The following RAD52 variants were observed in gnomAD, a reference collection of about 807,000 sequenced individuals.
RAD52 encodes the protein RAD52 DNA repair protein, also known as DNA repair protein RAD52 homolog.
In RAD52, 47 loss-of-function variants were observed where a neutral mutation model predicts 55.5. The observed-to-expected ratio is 0.85, with a 90% CI of 0.67 to 1.08. The LOEUF (loss-of-function observed/expected upper bound fraction) is 1.08, where lower values mean the gene tolerates loss of function less well. Ranked by LOEUF, RAD52 falls within the 50% of genes least tolerant of loss-of-function variation. The pLI, the probability that RAD52 is intolerant of heterozygous loss-of-function variation, is 0.00. For synonymous variants in RAD52, 184 were observed against 198.9 expected, an observed-to-expected ratio of 0.92 and a Z score of 0.63; for missense variants, 468 against 522.8, an observed-to-expected ratio of 0.90 and a Z score of 1.02.
rs551456621 is a variant in RAD52, at chr12:963,705, G to A, written c.-19+26104C>T. 3.9e-5 allele frequency among the ~76,000 whole-genome samples: 6 copies of A among 152,020 alleles called. No individual in the cohort carries two copies. The South Asian group carries it at 1.2e-3, about 32-fold the overall frequency. On this transcript the variant is annotated intron_variant, in intron 1 of 11. Coordinates refer to the RAD52 transcript ENST00000430095. ...CTAACTGTTGGCTTCTGGCATAGAG[G>A]AAGGCAACTCATTTTTATGTATGGA... is the stretch of plus-strand genomic sequence containing the variant.
rs576626573 is a variant in RAD52 at position 912,676 on chromosome 12, T to C, written c.*715A>G. On this transcript the variant is annotated 3_prime_UTR_variant, in exon 12 of 12. Transcript: ENST00000358495. ...CAAGAGGTTGTGGAGAGAGCTGTGTTTGCACCACTGAACTCCAGTCAGGGC... is the reference window on the plus strand; with the variant it reads ...CAAGAGGTTGTGGAGAGAGCTGTGTCTGCACCACTGAACTCCAGTCAGGGC... 3.8e-5 allele frequency: 6 copies of C among 155,866 alleles called. No homozygotes were observed. Among genetic ancestry groups the C allele is most frequent in the South Asian group, 2.3e-4 (1 of 4,406 alleles). The allele number at this position is 155,866 out of a possible 1,614,324, so 9.7% of individuals were successfully genotyped here.
chr12:916,404 G>A lies in RAD52; in HGVS notation c.805C>T (p.Arg269Trp), dbSNP rs1449954844. ...LRQKQLQQQF[R>W]ERMEKQQVRV... ...ACCTGCTGCTTCTCCATCCGCTCCC[G>A]GAACTGCTGCTGCAGCTGCTTCTGC... Residue 269 changes from arginine (R) to tryptophan (W), a missense_variant, in exon 9 of 12, where the codon CGG (arginine) becomes TGG (tryptophan). Coordinates refer to ENST00000358495, the MANE Select transcript of RAD52 (RefSeq NM_134424.4). 8 of 1,608,812 alleles carry A rather than the reference G, an allele frequency of 5.0e-6. No homozygotes were observed. The highest frequency in any genetic ancestry group is 6.8e-6 in the Non-Finnish European group (8 of 1,179,514).
intron 5 of RAD52, among the ~76,000 whole-genome samples, chr12:927,589 G>T (rs546210386): frequency 6.6e-6 from 1 of 152,132 alleles, no homozygotes; most frequent in Non-Finnish European, 1.5e-5. Context: ...TGGCCGGGCC[G>T]GGCGTGGTGG....
chr12:959,405 T>C (rs1489505566), intron 1 of RAD52, among the ~76,000 whole-genome samples: 2 of 152,170 alleles, frequency 1.3e-5, no homozygotes, highest in African/African-American at 2.4e-5. Flanking sequence ...CATTTGTGAA[T>C]GAAGGAGATA....
chr12:965,518 A>G (rs371584197), intron 1 of RAD52, among the ~76,000 whole-genome samples: 345 of 152,020 alleles, frequency 2.3e-3, no homozygotes, highest in South Asian at 0.011. Context: ...AATGCTGCCT[A>G]CCAAATCTGA....
At chr12:945,114 G>C (rs112388235) in intron 1 of RAD52, among the ~76,000 whole-genome samples, 1 of 152,110 alleles carries the variant, frequency 6.6e-6, no homozygotes, top group Non-Finnish European at 1.5e-5. Flanking sequence ...ACTTTGGAAG[G>C]CCAATGCAGA....
chr12:987,279 A>G lies in RAD52; in HGVS notation c.-19+2530T>C, dbSNP rs117956490. On this transcript the variant is annotated intron_variant, in intron 1 of 11. Coordinates refer to the RAD52 transcript ENST00000430095. ...CCACCGTGCCCAGCCCGCCAGTTTG[A>G]TTTTTGTCCTTTTATGGGCTCCTTT... Among the ~76,000 whole-genome samples, 1,372 of 151,976 alleles carry G rather than the reference A, an allele frequency of 9.0e-3. 34 individuals carry two copies. Among genetic ancestry groups the G allele is most frequent in the East Asian group, 0.032 (163 of 5,150 alleles).
intron 1 of RAD52, among the ~76,000 whole-genome samples, chr12:970,105 C>A (rs374508062): frequency 6.6e-6 from 1 of 150,912 alleles, no homozygotes; most frequent in African/African-American, 2.5e-5. Flanking sequence ...GTCAGGAGTT[C>A]GAGACCAGCC....
At chr12:932,880 T>C in intron 2 of RAD52, 95 bp downstream of exon 2, 1 of 755,658 alleles carries the variant, frequency 1.3e-6, no homozygotes, top group African/African-American at 2.1e-5. Flanking sequence ...TACTAGGTAC[T>C]GCTCACACAT....
At chr12:952,273 A>C (rs1304276947), upstream of RAD52, among the ~76,000 whole-genome samples, 1 of 152,064 alleles carries the variant, frequency 6.6e-6, no homozygotes, top group Non-Finnish European at 1.5e-5. Flanking sequence ...TAATTAAAAA[A>C]ATTTTTTTTA....
chr12:922,490 A>C (rs12308437), intron 7 of RAD52, among the ~76,000 whole-genome samples: 1 of 152,214 alleles, frequency 6.6e-6, no homozygotes, highest in African/African-American at 2.4e-5. Context: ...CCCCATCACC[A>C]AATGAATGCA....
chr12:937,660 A>G lies in RAD52; in HGVS notation c.-18-4584T>C, dbSNP rs560668352. ...AGGCTGCTCTCGAACTTCTGACCTC[A>G]GGTGATCCGCCTGCCTCATCCTCCC... On this transcript the variant is annotated intron_variant, in intron 1 of 11. Coordinates refer to ENST00000358495, the MANE Select transcript of RAD52 (RefSeq NM_134424.4). Among the ~76,000 whole-genome samples, 3 of 152,238 alleles carry G rather than the reference A, an allele frequency of 2.0e-5. No homozygotes were observed. In the South Asian group the frequency reaches 6.2e-4, roughly 32 times the overall value.
chr12:963,586 C>A (rs1394728869), intron 1 of RAD52, among the ~76,000 whole-genome samples: 1 of 152,020 alleles, frequency 6.6e-6, no homozygotes, highest in Admixed American at 6.5e-5. Context: ...TTATAATTTT[C>A]TTTATGAATA....
rs530359522 is a variant in RAD52 at position 919,818 on chromosome 12, C to T, written c.544-2998G>A. Reference sequence around the variant, plus strand: ...CTGTAATCCCAACACCTTGGGAGGCCGAGGTGGGCGGATCATCTGAGGTTA... The same window carrying T: ...CTGTAATCCCAACACCTTGGGAGGCTGAGGTGGGCGGATCATCTGAGGTTA... On this transcript the variant is annotated intron_variant, in intron 7 of 11. Coordinates refer to ENST00000358495, the MANE Select transcript of RAD52 (RefSeq NM_134424.4). Among the ~76,000 whole-genome samples the T allele has an allele frequency of 7.7e-5, 9 of 116,218 alleles. 1 individual carries two copies. The highest frequency in any genetic ancestry group is 1.5e-4 in the Non-Finnish European group (8 of 54,898). The allele number at this position is 116,218 out of a possible 152,430, so 76.2% of individuals were successfully genotyped here.
At chr12:952,498 G>A (rs1958542032), upstream of RAD52, among the ~76,000 whole-genome samples, 1 of 152,124 alleles carries the variant, frequency 6.6e-6, no homozygotes, top group Non-Finnish European at 1.5e-5. Context: ...TCCAGTACTT[G>A]TGAATGTGAC....
chr12:924,117 T>C (rs1956892787), intron 7 of RAD52, among the ~76,000 whole-genome samples: 1 of 134,610 alleles, frequency 7.4e-6, no homozygotes, highest in Admixed American at 7.7e-5. Flanking sequence ...GATGCAAAAA[T>C]GCCTAACAAA....
At chr12:978,469 G>A (rs1030541358) in intron 1 of RAD52, among the ~76,000 whole-genome samples, 3 of 152,104 alleles carry the variant, frequency 2.0e-5, no homozygotes, top group Non-Finnish European at 4.4e-5. Flanking sequence ...ATATAACTAG[G>A]TTCATTTGCT....
intron 1 of RAD52, among the ~76,000 whole-genome samples, chr12:945,820 C>T (rs959691784): frequency 2.0e-5 from 3 of 150,894 alleles, no homozygotes; most frequent in African/African-American, 7.3e-5. Flanking sequence ...GTCAGGAGTT[C>T]GAGACCAGCC....
At chr12:974,026 T>C (rs1366795452) in intron 1 of RAD52, 2 of 152,074 alleles carry the variant, frequency 1.3e-5, no homozygotes, top group African/African-American at 4.8e-5. Context: ...AAACTGAATG[T>C]GAAGCATGAG....
Sources: allele counts gnomAD v4.1 joint callset (sites outside exome capture counted in the v4.1 genomes callset), GRCh38; gene constraint gnomAD v4.1.1; transcripts MANE v1.5; gene names NCBI Gene and HGNC (gene_info 2026-07-23, HGNC 2026-07-21).